The following KIF4A variants were observed in gnomAD, a reference collection of about 807,000 sequenced individuals.
The protein encoded by KIF4A is chromosome-associated kinesin KIF4A.
KIF4A carries 7 observed loss-of-function variants against 105.9 expected under a neutral mutation model. That is an observed-to-expected ratio of 0.07 (90% CI 0.04 to 0.12). KIF4A has a LOEUF of 0.12. Among genes scored for constraint, KIF4A ranks in the 10% least tolerant of loss-of-function variants. KIF4A has a pLI of 1.00. For synonymous variants in KIF4A, 281 were observed against 331.3 expected (o/e 0.85, Z 1.65); for missense variants, 558 against 929.2 (o/e 0.60, Z 5.19).
intron 7 of KIF4A, among the ~76,000 whole-genome samples, chrX:70,302,923 A>G (rs1286140210): frequency 8.9e-6 from 1 of 111,947 alleles, no homozygotes; most frequent in Non-Finnish European, 1.9e-5. Context: ...AATCTCTCTA[A>G]CAAAAATTAA....
intron 25 of KIF4A, among the ~76,000 whole-genome samples, chrX:70,405,075 G>T (rs1412529587): frequency 2.7e-5 from 3 of 111,070 alleles, no homozygotes; most frequent in South Asian, 3.8e-4. Context: ...AGGCCTTGTG[G>T]TTCTTGGCGT....
At chrX:70,310,348 T>TGTGC (rs56051172) in intron 7 of KIF4A, among the ~76,000 whole-genome samples, 9,174 of 107,493 alleles carry the variant, frequency 0.085, 1,025 homozygotes, top group African/African-American at 0.3. Context: ...TGTGTGTGTG[T>TGTGC]GCCTGGATTC....
chrX:70,367,794 G>C (rs1469829740), intron 15 of KIF4A, among the ~76,000 whole-genome samples: 1 of 111,352 alleles, frequency 9.0e-6, no homozygotes, highest in Non-Finnish European at 1.9e-5. Context: ...CTGAATGCTG[G>C]CCTGCCTTGC....
At chrX:70,327,024 G>A (rs993928967) in intron 7 of KIF4A, among the ~76,000 whole-genome samples, 2 of 111,815 alleles carry the variant, frequency 1.8e-5, no homozygotes, top group African/African-American at 6.5e-5. Context: ...GTTTTGCTCA[G>A]CAGCTTTGAA....
chrX:70,339,503 G>A (rs947132736), intron 10 of KIF4A, among the ~76,000 whole-genome samples: 1 of 112,454 alleles, frequency 8.9e-6, no homozygotes, highest in Non-Finnish European at 1.9e-5. Flanking sequence ...TGTGCTAAAG[G>A]AAATAGTTTC....
chrX:70,319,852 G>C (rs140981840), intron 7 of KIF4A, among the ~76,000 whole-genome samples: 1,848 of 110,937 alleles, frequency 0.017, 36 homozygotes, highest in African/African-American at 0.057. Flanking sequence ...TATTGATTTT[G>C]TATCCTGCAA....
Position 70,330,831 on chromosome X carries a change from C to T in KIF4A, c.1071+499C>T, listed in dbSNP as rs756135547. Among the ~76,000 whole-genome samples the T allele has an allele frequency of 8.1e-4, 91 of 112,053 alleles. 1 individual carries two copies. The highest frequency in any genetic ancestry group is 9.2e-3 in the Middle Eastern group (2 of 218). On this transcript the variant is annotated intron_variant, in intron 9 of 30. Coordinates refer to ENST00000374403, the MANE Select transcript of KIF4A (RefSeq NM_012310.5). ...TAGGTAGCAAAGTACAGTTGATTCTCGAACAATAGGAGTTTGGTCCAACAA... is the reference window on the plus strand; with the variant it reads ...TAGGTAGCAAAGTACAGTTGATTCTTGAACAATAGGAGTTTGGTCCAACAA...
intron 13 of KIF4A, among the ~76,000 whole-genome samples, chrX:70,351,581 A>G (rs2086030735): frequency 9.0e-6 from 1 of 111,458 alleles, no homozygotes; most frequent in South Asian, 3.8e-4. Context: ...GGTATGGTAT[A>G]CACACACCAC....
chrX:70,384,380 G>C (rs1279056828), intron 18 of KIF4A, among the ~76,000 whole-genome samples: 3 of 111,750 alleles, frequency 2.7e-5, no homozygotes, highest in African/African-American at 9.8e-5. Context: ...GGTTTTAGGA[G>C]AATAATCTTT....
chrX:70,419,994 G>A, intron 30 of KIF4A, 68 bp from the exon 31 acceptor site: 1 of 1,070,638 alleles, frequency 9.3e-7, no homozygotes, highest in Non-Finnish European at 1.3e-6. Flanking sequence ...AGCATCTATA[G>A]CAGCTCGGCT....
intron 15 of KIF4A, among the ~76,000 whole-genome samples, chrX:70,364,008 T>C (rs777671920): frequency 3.8e-4 from 43 of 112,782 alleles, no homozygotes; most frequent in Non-Finnish European, 7.3e-4. Flanking sequence ...GAGCATTTTC[T>C]CATGTGTCTT....
chrX:70,379,642 T>G (rs1487418346), intron 18 of KIF4A, among the ~76,000 whole-genome samples: 1 of 108,529 alleles, frequency 9.2e-6, no homozygotes, highest in East Asian at 2.9e-4. Flanking sequence ...AGTACAAAAA[T>G]TATTTGGGTG....
Position 70,295,426 on chromosome X carries a change from C to T in KIF4A, c.236-1572C>T, listed in dbSNP as rs774280443. 7.3e-5 allele frequency among the ~76,000 whole-genome samples: 8 copies of T among 108,991 alleles called. No homozygotes were observed. The East Asian group carries it at 2.1e-3, about 28-fold the overall frequency. 94.6% of individuals were successfully genotyped at this position (108,991 alleles called of 115,157 possible). Reference sequence around the variant, plus strand: ...CTGACCTCAAGCGATCTGCCCGCCTCGGCCTCCCAAAGTGCTCGATTGCAG... The same window carrying T: ...CTGACCTCAAGCGATCTGCCCGCCTTGGCCTCCCAAAGTGCTCGATTGCAG... On this transcript the variant is annotated intron_variant, in intron 3 of 30. Coordinates refer to ENST00000374403, the MANE Select transcript of KIF4A (RefSeq NM_012310.5).
At chrX:70,343,575 A>G in intron 11 of KIF4A, 128 bp from the exon 12 acceptor site, 2 of 554,478 alleles carry the variant, frequency 3.6e-6, no homozygotes, top group South Asian at 3.2e-5. Context: ...ACCAAAGCCC[A>G]CTAAATCCTC....
intron 5 of KIF4A, among the ~76,000 whole-genome samples, chrX:70,301,629 C>T (rs191088753): frequency 1.9e-3 from 207 of 111,810 alleles, no homozygotes; most frequent in Non-Finnish European, 3.1e-3. Flanking sequence ...TTGGAAGGCA[C>T]GTAGCCATTG....
intron 13 of KIF4A, among the ~76,000 whole-genome samples, chrX:70,348,607 C>T (rs973152576): frequency 2.1e-4 from 23 of 110,894 alleles, no homozygotes; most frequent in African/African-American, 5.9e-4. Flanking sequence ...CATCTTGCAC[C>T]GCCCTTAATC....
At chrX:70,355,832 C>CT (rs1205297889) in intron 15 of KIF4A, among the ~76,000 whole-genome samples, 1 of 111,305 alleles carries the variant, frequency 9.0e-6, no homozygotes, top group African/African-American at 3.3e-5. Flanking sequence ...AGTACTCATG[C>CT]TTTTTTTAAA....
At chrX:70,301,842 T>C in intron 5 of KIF4A, 58 bp from the exon 6 acceptor site, 1 of 1,166,424 alleles carries the variant, frequency 8.6e-7, no homozygotes, top group Non-Finnish European at 1.2e-6. Flanking sequence ...ATCCCTATAT[T>C]TCTGACCAAG....
chrX:70,330,931 G>A (rs1039751595), intron 9 of KIF4A, among the ~76,000 whole-genome samples: 5 of 111,685 alleles, frequency 4.5e-5, no homozygotes, highest in Non-Finnish European at 9.4e-5. Flanking sequence ...GGATTCTGCA[G>A]GGCTGACCGC....
Sources: gnomAD v4.1 joint callset for allele counts (sites outside exome capture counted in the v4.1 genomes callset) on GRCh38, gnomAD v4.1.1 for gene constraint, MANE v1.5 for transcripts, NCBI Gene and HGNC (gene_info 2026-07-23, HGNC 2026-07-21) for gene names.